The following CLTCL1 variants were observed in gnomAD, a reference collection of about 807,000 sequenced individuals.
CLTCL1 encodes the protein clathrin heavy chain 2.
A neutral mutation model predicts 190.0 loss-of-function variants in CLTCL1; 159 were observed. That is an observed-to-expected ratio of 0.84 (90% CI 0.74 to 0.95). CLTCL1 has a LOEUF of 0.95. Ranked by LOEUF, CLTCL1 falls within the 40% of genes least tolerant of loss-of-function variation. The pLI is 0.00. For synonymous variants in CLTCL1, 752 were observed against 769.6 expected, an observed-to-expected ratio of 0.98 and a Z score of 0.38; for missense variants, 1,878 against 2,033.4, an observed-to-expected ratio of 0.92 and a Z score of 1.47.
chr22:19,264,929 TA>T (rs1321863396), intron 2 of CLTCL1, among the ~76,000 whole-genome samples: 4 of 152,102 alleles, frequency 2.6e-5, no homozygotes, highest in Non-Finnish European at 5.9e-5. Context: ...GCTGGGATTA[TA>T]GGCATACACC....
At chr22:19,245,332 C>G (rs369142465) in intron 3 of CLTCL1, among the ~76,000 whole-genome samples, 1 of 151,616 alleles carries the variant, frequency 6.6e-6, no homozygotes, top group East Asian at 1.9e-4. Flanking sequence ...TAACTGGGAC[C>G]ACAGGCGCGT....
At chr22:19,221,717 T>A (rs1286377820) in intron 16 of CLTCL1, 106 bp from the exon 17 acceptor site, 2 of 1,094,424 alleles carry the variant, frequency 1.8e-6, no homozygotes, top group Non-Finnish European at 2.6e-6. Context: ...AATCTCAGAG[T>A]CCATTGACTT....
At chr22:19,204,358 C>T (rs1202614669) in intron 22 of CLTCL1, among the ~76,000 whole-genome samples, 6 of 152,200 alleles carry the variant, frequency 3.9e-5, no homozygotes, top group Non-Finnish European at 7.3e-5. Context: ...GCACTTGCCC[C>T]GCTGTCTTGT....
chr22:19,201,289 G>A (rs782122442), intron 23 of CLTCL1, 40 bp downstream of exon 23: 2 of 1,577,364 alleles, frequency 1.3e-6, no homozygotes, highest in East Asian at 4.6e-5. Flanking sequence ...GAGCGTGCCT[G>A]TCCAGCACAC....
intron 1 of CLTCL1, among the ~76,000 whole-genome samples, chr22:19,290,481 G>C (rs1384613279): frequency 1.3e-5 from 2 of 152,198 alleles, no homozygotes; most frequent in Non-Finnish European, 2.9e-5. Context: ...AACATGACTG[G>C]TGCTGGCTTA....
At chr22:19,258,340 T>C (rs1230780038) in intron 2 of CLTCL1, 3 of 412,402 alleles carry the variant, frequency 7.3e-6, no homozygotes, top group Non-Finnish European at 9.2e-6. Context: ...TCCCAGCAGA[T>C]TGAGGAGAGC....
chr22:19,196,665 C>T lies in CLTCL1; in HGVS notation c.3874-9G>A, dbSNP rs781851020. On this transcript the variant is annotated splice_polypyrimidine_tract_variant and intron_variant, in intron 24 of 32. Transcript: ENST00000427926. The stretch of plus-strand genomic sequence containing the variant: ...TCAAAGTAGCCACGATCCTAGCAGA[C>T]CAACAGCCACGCGTGGGGCAGAGTG... 8 of 1,609,846 alleles carry T rather than the reference C, an allele frequency of 5.0e-6. No homozygotes were observed. The African/African-American group carries it at 1.1e-4, about 22-fold the overall frequency.
At chr22:19,225,368 G>T in intron 13 of CLTCL1, 85 bp downstream of exon 13, 1 of 1,407,198 alleles carries the variant, frequency 7.1e-7, no homozygotes. Flanking sequence ...CAGGAAGGCC[G>T]TCTTAAGGCG....
chr22:19,258,514 C>T (rs1184904849), intron 2 of CLTCL1: 17 of 525,048 alleles, frequency 3.2e-5, no homozygotes, highest in African/African-American at 1.2e-4. Flanking sequence ...TGCTATACCA[C>T]GCAGATGGAG....
chr22:19,182,514 G>C (rs1399869208), intron 30 of CLTCL1: 1 of 152,252 alleles, frequency 6.6e-6, no homozygotes, highest in Admixed American at 6.5e-5. Context: ...CTCTGGGATG[G>C]CCTTTATCAG....
At chr22:19,221,658 A>G in intron 16 of CLTCL1, 47 bp from the exon 17 acceptor site, 1 of 1,476,862 alleles carries the variant, frequency 6.8e-7, no homozygotes, top group Non-Finnish European at 9.2e-7. Context: ...TACCACTGGA[A>G]GTCTTGAGGG....
chr22:19,237,024 C>G (rs529572406), intron 5 of CLTCL1, among the ~76,000 whole-genome samples: 2 of 152,110 alleles, frequency 1.3e-5, no homozygotes, highest in Non-Finnish European at 2.9e-5. Context: ...TGATCATCTT[C>G]AGGTGCAGAA....
At chr22:19,183,983 G>C (rs1179682523) in intron 29 of CLTCL1, 1 of 340,784 alleles carries the variant, frequency 2.9e-6, no homozygotes, top group Non-Finnish European at 5.6e-6. Flanking sequence ...TGTGACACCA[G>C]GGGAGCAGTT....
intron 1 of CLTCL1, among the ~76,000 whole-genome samples, chr22:19,284,144 C>T (rs1555988725): frequency 6.6e-6 from 1 of 152,136 alleles, no homozygotes; most frequent in Non-Finnish European, 1.5e-5. Context: ...TTAGTGAGAA[C>T]ATCAACTGCC....
Position 19,221,946 on chromosome 22 carries a change from C to G in CLTCL1, c.2561+5G>C, listed in dbSNP as rs782374892. On this transcript the variant is annotated splice_donor_5th_base_variant and intron_variant, in intron 16 of 32. Coordinates refer to ENST00000427926, the MANE Select transcript of CLTCL1 (RefSeq NM_007098.4). ...AAGAGAAAACACCAAGTAAGGACAC[C>G]TTACCTATTTCTTTTTTCTACTTCA... is the stretch of plus-strand genomic sequence containing the variant. 1.2e-6 allele frequency: 2 copies of G among 1,613,574 alleles called. No homozygotes were observed. Among genetic ancestry groups the G allele is most frequent in the Non-Finnish European group, 1.7e-6 (2 of 1,179,806 alleles).
At position 19,183,407 on chromosome 22, in the gene CLTCL1, T is replaced by C. The variant is rs1555926690; in HGVS notation, c.4810A>G (p.Arg1604Gly). 1 of 1,613,308 alleles carries C rather than the reference T, an allele frequency of 6.2e-7. No individual in the cohort carries two copies. Among genetic ancestry groups the C allele is most frequent in the Middle Eastern group, 1.7e-4 (1 of 6,060 alleles). ...LAMPYFIQVM[R>G]EYLSKVDKLD... ...GCACCTACCTTGCTCAGGTACTCCC[T>C]CATCACCTGGATGAAGTAGGGCATG... The change falls in exon 30 of 33, where the codon AGG becomes GGG. Residue 1604 changes from arginine (R) to glycine (G), a missense_variant. Physicochemically the swap from Arg to Gly is moderately radical, Grantham distance 125. Transcript: ENST00000427926.
In CLTCL1 at chr22:19,201,416, G is replaced by A. The variant is rs1253601020; in HGVS notation, c.3678C>T (p.Arg1226=). The A allele has an allele frequency of 3.1e-6, 5 of 1,613,818 alleles. No individual in the cohort carries two copies. The highest frequency in any genetic ancestry group is 3.4e-6 in the Non-Finnish European group (4 of 1,179,860). ...CGAGGTGAACCAAGGTGGAAGCCAG[G>A]CGGGCAAAGTTAGAAACATTGCTAT... The part of the protein sequence containing the change: ...LLYSNVSNFA[R]LASTLVHLGE... Residue 1226 remains arginine, a synonymous_variant, in exon 23 of 33, where the codon CGC becomes CGT. Transcript: ENST00000427926.
rs567966567 is a variant in CLTCL1, at chr22:19,270,355, T to C, written c.250+5268A>G. ...TCTAAACAGGCATGAGGAAACTTTC[T>C]GGGGTTGCAGACATGTTCCAAAACT... is the stretch of plus-strand genomic sequence containing the variant. On this transcript the variant is annotated intron_variant, in intron 2 of 32. Transcript: ENST00000427926. Among the ~76,000 whole-genome samples the C allele has an allele frequency of 1.2e-4, 19 of 152,190 alleles. No individual in the cohort carries two copies. In the South Asian group the frequency reaches 3.5e-3, roughly 28 times the overall value.
At chr22:19,216,872 T>C (rs2085401501) in intron 18 of CLTCL1, among the ~76,000 whole-genome samples, 1 of 152,252 alleles carries the variant, frequency 6.6e-6, no homozygotes, top group Non-Finnish European at 1.5e-5. Flanking sequence ...CACTGTTCTC[T>C]TTGCACTTTG....
Sources: allele counts gnomAD v4.1 joint callset (sites outside exome capture counted in the v4.1 genomes callset), GRCh38; gene constraint gnomAD v4.1.1; transcripts MANE v1.5; gene names NCBI Gene and HGNC (gene_info 2026-07-23, HGNC 2026-07-21).